TAF8: variants seen among roughly 807,000 people sequenced by gnomAD.
The protein encoded by TAF8 is transcription initiation factor TFIID subunit 8.
A neutral mutation model predicts 36.5 loss-of-function variants in TAF8; 47 were observed. The observed-to-expected ratio is 1.29, with a 90% CI of 1.02 to 1.64. The LOEUF is 1.64. Among genes scored for constraint, TAF8 ranks in the 40% most tolerant of loss-of-function variants. TAF8 has a pLI of 0.00. For missense variants in TAF8, 420 were observed against 407.6 expected (o/e 1.03, Z -0.26); for synonymous variants, 175 against 159.5 (o/e 1.10, Z -0.73).
rs972278307 is a variant in TAF8 at position 42,079,293 on chromosome 6, A to C, written c.*1748A>C. 2.8e-4 allele frequency: 273 copies of C among 985,448 alleles called. 1 individual carries two copies. The highest frequency in any genetic ancestry group is 3.3e-4 in the Non-Finnish European group (270 of 829,960). The allele number at this position is 985,448 out of a possible 1,614,324, so 61.0% of individuals were successfully genotyped here. ...CAAGCTGAGGCGTTCTGCAAGAAGC[A>C]GGTCTGAGTCTGTCCAACCAATTTG... On this transcript the variant is annotated 3_prime_UTR_variant, in exon 9 of 9. Transcript: ENST00000372977.
intron 2 of TAF8, among the ~76,000 whole-genome samples, chr6:42,052,890 C>A (rs1764847343): frequency 6.6e-6 from 1 of 152,060 alleles, no homozygotes; most frequent in Non-Finnish European, 1.5e-5. Flanking sequence ...AGCATTATTG[C>A]CCATCAAGCT....
At chr6:42,053,857 C>T (rs1363197631) in intron 2 of TAF8, among the ~76,000 whole-genome samples, 1 of 152,158 alleles carries the variant, frequency 6.6e-6, no homozygotes, top group Non-Finnish European at 1.5e-5. Context: ...GATAAGAATG[C>T]AGTTCTTGGA....
At chr6:42,059,849 T>G (rs1484070660) in intron 5 of TAF8, among the ~76,000 whole-genome samples, 1 of 152,228 alleles carries the variant, frequency 6.6e-6, no homozygotes, top group Non-Finnish European at 1.5e-5. Context: ...GTTTCAGTCC[T>G]TCCCTTTGGG....
intron 1 of TAF8, 131 bp downstream of exon 1, chr6:42,050,717 C>T (rs887403474): frequency 2.5e-6 from 3 of 1,207,402 alleles, no homozygotes; most frequent in Non-Finnish European, 3.4e-6. Flanking sequence ...AGGGTGTTTT[C>T]AGGCCGTAGG....
At chr6:42,070,626 C>A (rs770443303) in intron 7 of TAF8, among the ~76,000 whole-genome samples, 2 of 152,140 alleles carry the variant, frequency 1.3e-5, no homozygotes, top group African/African-American at 4.8e-5. Context: ...CACAGAAAGT[C>A]GTGTGGTGTT....
chr6:42,079,612 G>A lies in TAF8; in HGVS notation c.*2067G>A. On this transcript the variant is annotated 3_prime_UTR_variant, in exon 9 of 9. Transcript: ENST00000372977. The stretch of plus-strand genomic sequence containing the variant: ...GGGTCTCGCTGTGTCGCCCCAGCTG[G>A]AGTATAGTGGCACTACCTCGGCTCA... 2 of 972,940 alleles carry A rather than the reference G, an allele frequency of 2.1e-6. No individual in the cohort carries two copies. Among genetic ancestry groups the A allele is most frequent in the Non-Finnish European group, 2.4e-6 (2 of 818,868 alleles). 60.3% of individuals were successfully genotyped at this position (972,940 alleles called of 1,614,324 possible).
rs1362168468 is a variant in TAF8 at position 42,078,840 on chromosome 6, G to A, written c.*1295G>A. 2.0e-6 allele frequency: 2 copies of A among 985,474 alleles called. No homozygotes were observed. Among genetic ancestry groups the A allele is most frequent in the Non-Finnish European group, 2.4e-6 (2 of 830,004 alleles). 61.0% of individuals were successfully genotyped at this position (985,474 alleles called of 1,614,324 possible). A position where few individuals can be genotyped will look rare whatever the true frequency, so the allele number is the denominator to read the frequency against. On this transcript the variant is annotated 3_prime_UTR_variant, in exon 9 of 9. Coordinates refer to ENST00000372977, the MANE Select transcript of TAF8 (RefSeq NM_138572.3). ...TGGGGTTTAAACAGTAGGAAAGAGG[G>A]GCTACGCGCAGTGGCTCACGCCTGT...
rs1473800751 is a variant in TAF8 at position 42,068,629 on chromosome 6, C to A, written c.780+22C>A. 1.9e-6 allele frequency: 3 copies of A among 1,609,390 alleles called. No individual in the cohort carries two copies. The South Asian group carries it at 3.3e-5, about 18-fold the overall frequency. The stretch of plus-strand genomic sequence containing the variant: ...CATGGTGGGTTCCACCTTCTGCCTA[C>A]CTCAGAGTATCCCCCAAACTGTCGC... On this transcript the variant is annotated intron_variant, in intron 7 of 8. Coordinates refer to ENST00000372977, the MANE Select transcript of TAF8 (RefSeq NM_138572.3).
At position 42,062,529 on chromosome 6, in the gene TAF8, C is replaced by CTTTTT. The variant is rs1174119617; in HGVS notation, c.490-3763_490-3759dup. Among the ~76,000 whole-genome samples the CTTTTT allele has an allele frequency of 3.3e-3, 260 of 78,724 alleles. 7 individuals carry two copies. The highest frequency in any genetic ancestry group is 9.6e-3 in the East Asian group (22 of 2,280). The allele number at this position is 78,724 out of a possible 152,430, so 51.6% of individuals were successfully genotyped here. A position where few individuals can be genotyped will look rare whatever the true frequency, so the allele number is the denominator to read the frequency against. ...TGTTACTCTTTTAGGTTAAGACAATCTTTTTTTTTTTTTTTTTTTTTTTTG... is the reference window on the plus strand; with the variant it reads ...TGTTACTCTTTTAGGTTAAGACAATCTTTTTTTTTTTTTTTTTTTTTTTTTTTTTG... On this transcript the variant is annotated intron_variant, in intron 5 of 8. Coordinates refer to ENST00000372977, the MANE Select transcript of TAF8 (RefSeq NM_138572.3).
chr6:42,079,187 G>T lies in TAF8; in HGVS notation c.*1642G>T. 1 of 985,526 alleles carries T rather than the reference G, an allele frequency of 1.0e-6. No homozygotes were observed. The highest frequency in any genetic ancestry group is 1.2e-6 in the Non-Finnish European group (1 of 829,950). 61.0% of individuals were successfully genotyped at this position (985,526 alleles called of 1,614,324 possible). ...TTTGGTGGGGTGAGGGTGGGGTGTT[G>T]AGGGCTGGGCCTCATCTTGTATTCT... is the stretch of plus-strand genomic sequence containing the variant. On this transcript the variant is annotated 3_prime_UTR_variant, in exon 9 of 9. Coordinates refer to ENST00000372977, the MANE Select transcript of TAF8 (RefSeq NM_138572.3).
chr6:42,071,289 A>AGGTC (rs1765557076), intron 7 of TAF8: 1 of 203,384 alleles, frequency 4.9e-6, no homozygotes, highest in Non-Finnish European at 9.7e-6. Flanking sequence ...TATTTGCTGA[A>AGGTC]GGTCTTATTT....
intron 5 of TAF8, among the ~76,000 whole-genome samples, chr6:42,058,762 C>CT (rs1765093448): frequency 6.6e-6 from 1 of 152,168 alleles, no homozygotes; most frequent in Admixed American, 6.6e-5. Context: ...AATTTATTGT[C>CT]TCACAGTTCT....
At chr6:42,075,327 G>C (rs76562503) in intron 7 of TAF8, among the ~76,000 whole-genome samples, 1 of 152,130 alleles carries the variant, frequency 6.6e-6, no homozygotes, top group African/African-American at 2.4e-5. Flanking sequence ...AGTGGCTCTG[G>C]GTCACCTTGT....
chr6:42,057,132 G>A (rs1448246379), intron 4 of TAF8, among the ~76,000 whole-genome samples: 1 of 152,198 alleles, frequency 6.6e-6, no homozygotes, highest in African/African-American at 2.4e-5. Flanking sequence ...CGTAGTTACT[G>A]TGGCCACAGC....
intron 7 of TAF8, among the ~76,000 whole-genome samples, chr6:42,071,903 A>G (rs1396439260): frequency 2.0e-5 from 3 of 152,174 alleles, no homozygotes; most frequent in South Asian, 2.1e-4. Context: ...CATGGTGGTA[A>G]TTGAACCTAA....
chr6:42,067,860 C>T (rs894163503), intron 6 of TAF8, among the ~76,000 whole-genome samples: 4 of 152,220 alleles, frequency 2.6e-5, no homozygotes, highest in African/African-American at 9.7e-5. Context: ...CCACCACACC[C>T]GGCCTTCTTT....
At position 42,078,837 on chromosome 6, in the gene TAF8, A is replaced by G. The variant is rs1215925927; in HGVS notation, c.*1292A>G. ...CCATGGGGTTTAAACAGTAGGAAAGAGGGGCTACGCGCAGTGGCTCACGCC... is the reference window on the plus strand; with the variant it reads ...CCATGGGGTTTAAACAGTAGGAAAGGGGGGCTACGCGCAGTGGCTCACGCC... On this transcript the variant is annotated 3_prime_UTR_variant, in exon 9 of 9. Coordinates refer to ENST00000372977, the MANE Select transcript of TAF8 (RefSeq NM_138572.3). 1 of 985,422 alleles carries G rather than the reference A, an allele frequency of 1.0e-6. No individual in the cohort carries two copies. The highest frequency in any genetic ancestry group is 1.7e-5 in the African/African-American group (1 of 57,356). 61.0% of individuals were successfully genotyped at this position (985,422 alleles called of 1,614,324 possible).
Position 42,077,739 on chromosome 6 carries a change from A to G in TAF8, c.*194A>G. 1 of 1,445,292 alleles carries G rather than the reference A, an allele frequency of 6.9e-7. No individual in the cohort carries two copies. Among genetic ancestry groups the G allele is most frequent in the South Asian group, 1.5e-5 (1 of 67,028 alleles). The allele number at this position is 1,445,292 out of a possible 1,614,324, so 89.5% of individuals were successfully genotyped here. On this transcript the variant is annotated 3_prime_UTR_variant, in exon 9 of 9. Transcript: ENST00000372977. ...ACTGGATGTTTGGGTTGAGGAAGATATGAACAGAATAATGAGAATTTTTTT... is the reference window on the plus strand; with the variant it reads ...ACTGGATGTTTGGGTTGAGGAAGATGTGAACAGAATAATGAGAATTTTTTT...
intron 5 of TAF8, among the ~76,000 whole-genome samples, chr6:42,062,146 C>T (rs1198651341): frequency 6.6e-6 from 1 of 151,968 alleles, no homozygotes; most frequent in Admixed American, 6.6e-5. Flanking sequence ...AAGAGAAAAA[C>T]AAATTTCATA....
Sources: gnomAD v4.1 joint callset for allele counts (sites outside exome capture counted in the v4.1 genomes callset) on GRCh38, gnomAD v4.1.1 for gene constraint, MANE v1.5 for transcripts, NCBI Gene and HGNC (gene_info 2026-07-23, HGNC 2026-07-21) for gene names.